IGF2BP3: variants seen among roughly 807,000 people sequenced by gnomAD.
The protein encoded by IGF2BP3 is insulin like growth factor 2 mRNA binding protein 3, also known as insulin-like growth factor 2 mRNA-binding protein 3.
In IGF2BP3, 9 loss-of-function variants were observed where a neutral mutation model predicts 73.8. That is an observed-to-expected ratio of 0.12 (90% CI 0.07 to 0.21). The LOEUF is 0.21. IGF2BP3 is among the 10% of genes least tolerant of loss of function. The pLI is 1.00. For missense variants in IGF2BP3, 542 were observed against 714.0 expected, an observed-to-expected ratio of 0.76 and a Z score of 2.75; for synonymous variants, 258 against 256.7, an observed-to-expected ratio of 1.01 and a Z score of -0.05.
intron 10 of IGF2BP3, among the ~76,000 whole-genome samples, chr7:23,322,330 G>T (rs1393689083): frequency 6.6e-6 from 1 of 152,206 alleles, no homozygotes; most frequent in African/African-American, 2.4e-5. Flanking sequence ...AGCGATGGAA[G>T]ATGAAGTGAA....
intron 10 of IGF2BP3, 151 bp downstream of exon 10, chr7:23,341,913 C>G (rs1784722453): frequency 1.3e-6 from 1 of 747,514 alleles, no homozygotes; most frequent in Non-Finnish European, 1.9e-6. Context: ...CAAAATAATC[C>G]CATGTCTACT....
At chr7:23,342,010 GTTTACATT>G (rs1784724370) in intron 10 of IGF2BP3, 46 bp downstream of exon 10, 1 of 1,487,690 alleles carries the variant, frequency 6.7e-7, no homozygotes. Context: ...CGGGGACTAG[GTTTACATT>G]AAGATTTTGC....
intron 2 of IGF2BP3, among the ~76,000 whole-genome samples, chr7:23,440,154 TCG>T: frequency 6.6e-6 from 1 of 152,032 alleles, no homozygotes; most frequent in South Asian, 2.1e-4. Flanking sequence ...TCCCAGCTAC[TCG>T]GGAGGCTGAG....
chr7:23,381,843 G>A (rs755888260), intron 3 of IGF2BP3, among the ~76,000 whole-genome samples: 1 of 152,128 alleles, frequency 6.6e-6, no homozygotes, highest in Non-Finnish European at 1.5e-5. Context: ...AAAGTGCTGG[G>A]ATTACAGGCT....
chr7:23,411,174 T>A (rs1787006446), intron 3 of IGF2BP3, among the ~76,000 whole-genome samples: 1 of 152,218 alleles, frequency 6.6e-6, no homozygotes, highest in African/African-American at 2.4e-5. Flanking sequence ...CTGACTCCCA[T>A]TACTACTTCT....
At chr7:23,426,320 C>CAAAAAAAAAAA (rs1195063330) in intron 2 of IGF2BP3, among the ~76,000 whole-genome samples, 1 of 46,126 alleles carries the variant, frequency 2.2e-5, no homozygotes, top group African/African-American at 5.4e-5. Context: ...AATTCTGTCT[C>CAAAAAAAAAAA]AAAAAAAAAA....
chr7:23,319,082 T>A (rs1784067584), intron 11 of IGF2BP3, 56 bp downstream of exon 11: 1 of 1,078,430 alleles, frequency 9.3e-7, no homozygotes. Context: ...GCAAGAAGAT[T>A]CATATTTCTG....
intron 6 of IGF2BP3, 100 bp downstream of exon 6, chr7:23,351,205 G>A (rs1213201259): frequency 3.8e-6 from 5 of 1,309,554 alleles, no homozygotes; most frequent in Non-Finnish European, 5.4e-6. Flanking sequence ...GAGTCCTCAT[G>A]GCTGTGTTCA....
rs912621245 is a variant in IGF2BP3 at position 23,411,529 on chromosome 7, A to G, written c.285+7247T>C. On this transcript the variant is annotated intron_variant, in intron 3 of 14. Coordinates refer to ENST00000258729, the MANE Select transcript of IGF2BP3 (RefSeq NM_006547.3). ...CCAGGAGGTGGACACTGTAGTGAGC[A>G]GAGATCACGCCACTGCACTCCAGCC... is the stretch of plus-strand genomic sequence containing the variant. Among the ~76,000 whole-genome samples the G allele has an allele frequency of 2.0e-5, 3 of 152,308 alleles. No individual in the cohort carries two copies. The East Asian group carries it at 5.8e-4, about 29-fold the overall frequency.
chr7:23,336,396 T>TA (rs1432701357), intron 10 of IGF2BP3, among the ~76,000 whole-genome samples: 1 of 151,974 alleles, frequency 6.6e-6, no homozygotes, highest in African/African-American at 2.4e-5. Flanking sequence ...AGGAACAGTT[T>TA]AAAAGTGCTG....
At chr7:23,451,332 C>T (rs543017622) in intron 2 of IGF2BP3, among the ~76,000 whole-genome samples, 28 of 152,254 alleles carry the variant, frequency 1.8e-4, no homozygotes, top group African/African-American at 5.8e-4. Flanking sequence ...GCAGGAGAAT[C>T]GCTTGAACCC....
At chr7:23,347,836 A>G in intron 6 of IGF2BP3, 102 bp from the exon 7 acceptor site, 3 of 1,354,030 alleles carry the variant, frequency 2.2e-6, no homozygotes, top group Non-Finnish European at 1.0e-6. Context: ...TTCAGGGCAA[A>G]GCAGATGACT....
intron 7 of IGF2BP3, among the ~76,000 whole-genome samples, chr7:23,346,595 TTTC>T (rs200981557): frequency 0.047 from 7,090 of 149,306 alleles, 495 homozygotes; most frequent in African/African-American, 0.17. Flanking sequence ...TTCCTTTTTC[TTTC>T]TTTTTTTTTT....
chr7:23,319,559 G>A lies in IGF2BP3; in HGVS notation c.1204-305C>T, dbSNP rs889809598. On this transcript the variant is annotated intron_variant, in intron 10 of 14. Coordinates refer to ENST00000258729, the MANE Select transcript of IGF2BP3 (RefSeq NM_006547.3). ...TAAAGTTTAATCATATTAGAATAGC[G>A]GGACATGCTTGCATTAAAAATTAAG... Among the ~76,000 whole-genome samples the A allele has an allele frequency of 1.3e-4, 19 of 151,630 alleles. No homozygotes were observed. The East Asian group carries it at 2.7e-3, about 22-fold the overall frequency.
At chr7:23,372,108 C>CT (rs1179619931) in intron 3 of IGF2BP3, among the ~76,000 whole-genome samples, 1 of 151,312 alleles carries the variant, frequency 6.6e-6, no homozygotes, top group East Asian at 1.9e-4. Context: ...GAGTCTCACT[C>CT]TGTCACCCAG....
intron 2 of IGF2BP3, among the ~76,000 whole-genome samples, chr7:23,459,722 T>A (rs532287275): frequency 1.4e-4 from 22 of 151,946 alleles, no homozygotes; most frequent in Non-Finnish European, 2.8e-4. Flanking sequence ...TCTCAGTTAC[T>A]CGGGAGGCTG....
At chr7:23,401,199 A>G (rs374404908) in intron 3 of IGF2BP3, among the ~76,000 whole-genome samples, 13 of 152,180 alleles carry the variant, frequency 8.5e-5, no homozygotes, top group African/African-American at 3.1e-4. Context: ...CACCATCCAT[A>G]TTTAAGATTC....
chr7:23,380,893 G>C (rs950391357), intron 3 of IGF2BP3, among the ~76,000 whole-genome samples: 4 of 152,218 alleles, frequency 2.6e-5, no homozygotes, highest in African/African-American at 9.6e-5. Flanking sequence ...CTGGTTTCCA[G>C]AACTAGGTTT....
intron 3 of IGF2BP3, among the ~76,000 whole-genome samples, chr7:23,410,709 G>A (rs928118877): frequency 3.3e-5 from 5 of 152,022 alleles, no homozygotes; most frequent in Admixed American, 1.3e-4. Context: ...CATACATTAC[G>A]TCCAGACCTG....
Sources: gnomAD v4.1 joint callset for allele counts (sites outside exome capture counted in the v4.1 genomes callset) on GRCh38, gnomAD v4.1.1 for gene constraint, MANE v1.5 for transcripts, NCBI Gene and HGNC (gene_info 2026-07-23, HGNC 2026-07-21) for gene names.